Variants in TAFA2 observed in about 807,000 individuals in gnomAD.
TAFA2 encodes the protein TAFA chemokine like family member 2.
Under a neutral mutation model 18.8 loss-of-function variants are expected in TAFA2, and 7 were observed. The ratio of observed to expected loss-of-function variants is 0.37; its 90% CI spans 0.21 to 0.70. The LOEUF (loss-of-function observed/expected upper bound fraction) is 0.70. Among genes scored for constraint, TAFA2 ranks in the 30% least tolerant of loss-of-function variants. The pLI is 0.53. For missense variants in TAFA2, 122 were observed against 158.1 expected (o/e 0.77, Z 1.23); for synonymous variants, 60 against 54.2 (o/e 1.11, Z -0.47).
chr12:62,050,415 C>CA (rs909707888), intron 1 of TAFA2, among the ~76,000 whole-genome samples: 13 of 151,714 alleles, frequency 8.6e-5, no homozygotes, highest in African/African-American at 2.7e-4. Context: ...CTAAAAAATA[C>CA]AAAAAAATTA....
chr12:62,252,090 G>A (rs2136995328), intron 1 of TAFA2: 1 of 152,338 alleles, frequency 6.6e-6, no homozygotes, highest in African/African-American at 2.4e-5. Flanking sequence ...CCATTCTAGA[G>A]TTTCCTCACC....
At chr12:62,174,458 G>A (rs900096179) in intron 1 of TAFA2, among the ~76,000 whole-genome samples, 2 of 152,120 alleles carry the variant, frequency 1.3e-5, no homozygotes, top group Non-Finnish European at 2.9e-5. Context: ...AATAAGGAGA[G>A]AACCACAGAT....
At chr12:61,824,516 T>C (rs767567695) in intron 2 of TAFA2, among the ~76,000 whole-genome samples, 5 of 152,194 alleles carry the variant, frequency 3.3e-5, no homozygotes, top group Non-Finnish European at 7.3e-5. Flanking sequence ...GACCCATTTT[T>C]ATCTCCTTTA....
At chr12:62,090,668 T>C (rs1251849860) in intron 1 of TAFA2, among the ~76,000 whole-genome samples, 2 of 152,036 alleles carry the variant, frequency 1.3e-5, no homozygotes, top group African/African-American at 2.4e-5. Context: ...CCCACAATCA[T>C]GTGATTATTC....
At chr12:62,079,469 A>G (rs1335539282) in intron 1 of TAFA2, among the ~76,000 whole-genome samples, 1 of 150,800 alleles carries the variant, frequency 6.6e-6, no homozygotes, top group Admixed American at 6.6e-5. Flanking sequence ...TCTGGCCAAC[A>G]TGGTGAAACC....
chr12:61,823,462 C>T (rs1445734993), intron 2 of TAFA2, among the ~76,000 whole-genome samples: 2 of 152,170 alleles, frequency 1.3e-5, no homozygotes, highest in Non-Finnish European at 2.9e-5. Flanking sequence ...CACCCATTAA[C>T]TTTGCTAAGA....
chr12:62,217,184 G>A (rs2062739261), intron 1 of TAFA2, among the ~76,000 whole-genome samples: 1 of 152,156 alleles, frequency 6.6e-6, no homozygotes, highest in African/African-American at 2.4e-5. Flanking sequence ...CTTTGAGTGG[G>A]GTCCAAAGCA....
chr12:61,966,313 T>G (rs1296030093), intron 1 of TAFA2, among the ~76,000 whole-genome samples: 1 of 151,944 alleles, frequency 6.6e-6, no homozygotes. Flanking sequence ...GCTATCTACT[T>G]GCAAGATGGC....
intron 1 of TAFA2, among the ~76,000 whole-genome samples, chr12:62,024,386 T>C (rs1881247594): frequency 6.6e-6 from 1 of 152,176 alleles, no homozygotes; most frequent in Non-Finnish European, 1.5e-5. Context: ...GATTTAGTGA[T>C]AATGTCCAAA....
At chr12:62,223,340 T>C (rs2062772083) in intron 1 of TAFA2, among the ~76,000 whole-genome samples, 1 of 152,096 alleles carries the variant, frequency 6.6e-6, no homozygotes, top group Non-Finnish European at 1.5e-5. Context: ...CAACCATCCC[T>C]GGCTAATATT....
intron 1 of TAFA2, among the ~76,000 whole-genome samples, chr12:62,029,225 G>A (rs1333869330): frequency 1.3e-5 from 2 of 152,100 alleles, no homozygotes; most frequent in African/African-American, 4.8e-5. Context: ...TAATCTGTAA[G>A]GGAAGCTCCC....
intron 1 of TAFA2, among the ~76,000 whole-genome samples, chr12:62,186,779 C>T (rs1294173525): frequency 2.0e-5 from 3 of 152,128 alleles, no homozygotes; most frequent in Admixed American, 1.3e-4. Flanking sequence ...TCATACTCCA[C>T]ATGAACCACT....
At chr12:61,852,551 C>T (rs1271148341) in intron 2 of TAFA2, among the ~76,000 whole-genome samples, 1 of 152,162 alleles carries the variant, frequency 6.6e-6, no homozygotes, top group African/African-American at 2.4e-5. Flanking sequence ...TCCTGAGAAC[C>T]TGGAAAGGAA....
intron 1 of TAFA2, among the ~76,000 whole-genome samples, chr12:62,081,046 T>G (rs1868314998): frequency 6.6e-6 from 1 of 151,998 alleles, no homozygotes; most frequent in Non-Finnish European, 1.5e-5. Context: ...ACACAAAAAA[T>G]TAGCCGGGCG....
intron 1 of TAFA2, among the ~76,000 whole-genome samples, chr12:61,984,240 C>A (rs2136680458): frequency 6.6e-6 from 1 of 152,254 alleles, no homozygotes; most frequent in East Asian, 1.9e-4. Context: ...ATTTGTAGAA[C>A]AAATCAATTT....
chr12:62,238,856 A>G lies in TAFA2; in HGVS notation c.-130+19907T>C, dbSNP rs144401692. On this transcript the variant is annotated intron_variant, in intron 1 of 5. Transcript: ENST00000551619. ...AGGTATGTTTTCTGTATATTTATAT[A>G]TATCCTAAATGTGACTGATTATCCT... Among the ~76,000 whole-genome samples, 134 of 152,314 alleles carry G rather than the reference A, an allele frequency of 8.8e-4. 2 individuals are homozygous for G. Among genetic ancestry groups the G allele is most frequent in the African/African-American group, 3.0e-3 (125 of 41,578 alleles).
chr12:61,824,494 A>G (rs941862590), intron 2 of TAFA2, among the ~76,000 whole-genome samples: 1 of 152,218 alleles, frequency 6.6e-6, no homozygotes, highest in African/African-American at 2.4e-5. Flanking sequence ...CTTAGGCAGT[A>G]AAAATCATAC....
chr12:61,983,184 T>C (rs559372840), intron 1 of TAFA2, among the ~76,000 whole-genome samples: 1 of 152,254 alleles, frequency 6.6e-6, no homozygotes, highest in South Asian at 2.1e-4. Context: ...CATCCTATTT[T>C]CCTTTACAAT....
intron 1 of TAFA2, among the ~76,000 whole-genome samples, chr12:61,987,387 T>G (rs756823150): frequency 1.3e-5 from 2 of 152,184 alleles, no homozygotes; most frequent in Non-Finnish European, 2.9e-5. Flanking sequence ...GACAAAGAAA[T>G]AAACAGTTCT....
Sources: gnomAD v4.1 joint callset for allele counts (sites outside exome capture counted in the v4.1 genomes callset) on GRCh38, gnomAD v4.1.1 for gene constraint, MANE v1.5 for transcripts, NCBI Gene and HGNC (gene_info 2026-07-23, HGNC 2026-07-21) for gene names.